LRBA: variants seen among roughly 807,000 people sequenced by gnomAD.
LRBA encodes LPS responsive beige-like anchor protein, also known as lipopolysaccharide-responsive and beige-like anchor protein.
LRBA carries 176 observed loss-of-function variants against 330.0 expected under a neutral mutation model. The observed-to-expected ratio is 0.53, with a 90% CI of 0.47 to 0.60. The LOEUF (loss-of-function observed/expected upper bound fraction) is 0.60. LRBA is among the 20% of genes least tolerant of loss of function. The pLI, the probability that LRBA is intolerant of heterozygous loss-of-function variation, is 0.00. For synonymous variants in LRBA, 1,230 were observed against 1,193.0 expected (o/e 1.03, Z -0.64); for missense variants, 3,259 against 3,444.8 (o/e 0.95, Z 1.35).
intron 9 of LRBA, 87 bp downstream of exon 9, chr4:150,914,108 A>G: frequency 1.1e-6 from 1 of 928,930 alleles, no homozygotes; most frequent in Non-Finnish European, 1.5e-6. Flanking sequence ...TTTTTTTTGT[A>G]TCCATTAACC....
At chr4:150,962,628 G>A (rs1212657077) in intron 2 of LRBA, among the ~76,000 whole-genome samples, 2 of 148,862 alleles carry the variant, frequency 1.3e-5, no homozygotes, top group East Asian at 1.9e-4. Flanking sequence ...AACTATAAAA[G>A]AATAGCACAA....
At chr4:150,442,595 G>GTCTC (rs1490623932) in intron 44 of LRBA, among the ~76,000 whole-genome samples, 2 of 152,106 alleles carry the variant, frequency 1.3e-5, no homozygotes, top group Non-Finnish European at 2.9e-5. Context: ...TACTGAAGAA[G>GTCTC]GTGCATGCAA....
intron 53 of LRBA, among the ~76,000 whole-genome samples, chr4:150,296,456 C>A (rs527548965): frequency 1.1e-3 from 171 of 152,020 alleles, no homozygotes; most frequent in Non-Finnish European, 1.7e-3. Context: ...CATTTTCTCA[C>A]TTGAATGTGA....
At chr4:150,505,764 A>G (rs549595791) in intron 40 of LRBA, among the ~76,000 whole-genome samples, 1 of 152,268 alleles carries the variant, frequency 6.6e-6, no homozygotes, top group South Asian at 2.1e-4. Flanking sequence ...GACACAAAAA[A>G]CCCTTCAAAA....
At chr4:150,895,396 TA>T (rs1384094408) in intron 16 of LRBA, among the ~76,000 whole-genome samples, 2 of 152,140 alleles carry the variant, frequency 1.3e-5, no homozygotes, top group African/African-American at 4.8e-5. Context: ...ACTCGTCATT[TA>T]ACATTAGGTA....
At chr4:150,646,808 C>A (rs1168425373) in intron 37 of LRBA, among the ~76,000 whole-genome samples, 1 of 152,114 alleles carries the variant, frequency 6.6e-6, no homozygotes, top group East Asian at 1.9e-4. Flanking sequence ...TTTTTGAGCA[C>A]AGACATAACA....
Position 150,839,092 on chromosome 4 carries a change from A to G in LRBA, c.4569+5008T>C, listed in dbSNP as rs544137594. Among the ~76,000 whole-genome samples the G allele has an allele frequency of 7.2e-5, 11 of 152,176 alleles. No individual in the cohort carries two copies. The East Asian group carries it at 1.9e-3, about 27-fold the overall frequency. On this transcript the variant is annotated intron_variant, in intron 28 of 56. Coordinates refer to ENST00000651943, the MANE Select transcript of LRBA (RefSeq NM_001364905.1). ...AGTGGGCGAAGGAGATGAACAGACA[A>G]TTCTCAAAAGAAGATATTTATGCAG... is the stretch of plus-strand genomic sequence containing the variant.
intron 16 of LRBA, among the ~76,000 whole-genome samples, chr4:150,893,884 C>A (rs1361168610): frequency 6.6e-6 from 1 of 151,990 alleles, no homozygotes; most frequent in Non-Finnish European, 1.5e-5. Context: ...ACCATATTAG[C>A]CAGGATGGTC....
chr4:150,878,871 T>C (rs2127036199), intron 17 of LRBA, among the ~76,000 whole-genome samples: 1 of 151,992 alleles, frequency 6.6e-6, no homozygotes, highest in African/African-American at 2.4e-5. Context: ...AATTTTTTTT[T>C]TTTTTTTGGT....
chr4:150,677,844 A>AGAGAG (rs1782698454), intron 37 of LRBA, among the ~76,000 whole-genome samples: 1 of 151,614 alleles, frequency 6.6e-6, no homozygotes, highest in African/African-American at 2.4e-5. Flanking sequence ...AGAAAAGAGA[A>AGAGAG]AAGTGTATAG....
chr4:150,840,290 G>A (rs188301715), intron 28 of LRBA, among the ~76,000 whole-genome samples: 1 of 152,244 alleles, frequency 6.6e-6, no homozygotes, highest in East Asian at 1.9e-4. Flanking sequence ...TTCACAACTT[G>A]GCTAAATGTT....
chr4:150,895,284 TA>T (rs1342671958), intron 16 of LRBA, among the ~76,000 whole-genome samples: 5 of 152,324 alleles, frequency 3.3e-5, no homozygotes, highest in East Asian at 1.9e-4. Context: ...ATTTTCTTTT[TA>T]TTTTTTTTTA....
intron 34 of LRBA, among the ~76,000 whole-genome samples, chr4:150,790,612 T>C (rs774578655): frequency 1.3e-5 from 2 of 152,264 alleles, no homozygotes; most frequent in African/African-American, 2.4e-5. Context: ...AGTACAGTTA[T>C]TGAGCTGATT....
chr4:150,691,858 C>T (rs1784169283), intron 36 of LRBA, among the ~76,000 whole-genome samples: 1 of 151,988 alleles, frequency 6.6e-6, no homozygotes, highest in South Asian at 2.1e-4. Flanking sequence ...TTTAAAAAAA[C>T]AAACCAATAA....
At chr4:150,514,675 T>C (rs908854068) in intron 40 of LRBA, among the ~76,000 whole-genome samples, 3 of 152,106 alleles carry the variant, frequency 2.0e-5, no homozygotes, top group Admixed American at 6.5e-5. Flanking sequence ...AAGAAAGGCA[T>C]ACGAGGCAGA....
intron 37 of LRBA, among the ~76,000 whole-genome samples, chr4:150,600,638 T>C (rs1774019656): frequency 6.6e-6 from 1 of 152,090 alleles, no homozygotes; most frequent in Admixed American, 6.5e-5. Flanking sequence ...GTATAAGAAT[T>C]GCAGTTCTCA....
Position 150,773,660 on chromosome 4 carries a change from T to C in LRBA, c.5581-11813A>G, listed in dbSNP as rs529679541. Among the ~76,000 whole-genome samples the C allele has an allele frequency of 2.6e-5, 4 of 152,322 alleles. No homozygotes were observed. The East Asian group carries it at 7.7e-4, about 29-fold the overall frequency. ...TATAATTTTCTTAGGTAGAGGCAGTTCAGTGGCTTCCACCTGGGGCCTTTC... is the reference window on the plus strand; with the variant it reads ...TATAATTTTCTTAGGTAGAGGCAGTCCAGTGGCTTCCACCTGGGGCCTTTC... On this transcript the variant is annotated intron_variant, in intron 34 of 56. Coordinates refer to ENST00000651943, the MANE Select transcript of LRBA (RefSeq NM_001364905.1).
At chr4:150,885,200 CAA>C (rs34720483) in intron 17 of LRBA, among the ~76,000 whole-genome samples, 172 of 114,484 alleles carry the variant, frequency 1.5e-3, no homozygotes, top group Middle Eastern at 4.1e-3. Context: ...ACAAGAGTTC[CAA>C]AAAAAAAAAA....
intron 47 of LRBA, among the ~76,000 whole-genome samples, chr4:150,372,835 A>G (rs1740600543): frequency 6.6e-6 from 1 of 150,694 alleles, no homozygotes; most frequent in African/African-American, 2.4e-5. Flanking sequence ...CTCCTATACT[A>G]AGTACAGCTG....
Sources: allele counts gnomAD v4.1 joint callset (sites outside exome capture counted in the v4.1 genomes callset), GRCh38; gene constraint gnomAD v4.1.1; transcripts MANE v1.5; gene names NCBI Gene and HGNC (gene_info 2026-07-23, HGNC 2026-07-21).